Variants in PRORP observed in about 807,000 individuals in gnomAD.
PRORP encodes protein only RNase P catalytic subunit.
A neutral mutation model predicts 59.4 loss-of-function variants in PRORP; 51 were observed. The ratio of observed to expected loss-of-function variants is 0.86; its 90% CI spans 0.69 to 1.08. The LOEUF (loss-of-function observed/expected upper bound fraction) is 1.08, where lower values mean the gene tolerates loss of function less well. Ranked by LOEUF, PRORP falls within the 50% of genes least tolerant of loss-of-function variation. PRORP has a pLI of 0.00. For missense variants in PRORP, 646 were observed against 690.3 expected (o/e 0.94, Z 0.72); for synonymous variants, 231 against 245.6 (o/e 0.94, Z 0.55).
chr14:35,126,023 A>G (rs1566440931), intron 2 of PRORP, among the ~76,000 whole-genome samples: 1 of 152,178 alleles, frequency 6.6e-6, no homozygotes, highest in Non-Finnish European at 1.5e-5. Flanking sequence ...CCTTGTCTCA[A>G]AAGAAAAAAA....
chr14:35,258,040 T>G (rs938060013), intron 5 of PRORP, among the ~76,000 whole-genome samples: 1 of 147,650 alleles, frequency 6.8e-6, no homozygotes, highest in Non-Finnish European at 1.5e-5. Flanking sequence ...CAAAAGTTGA[T>G]GTGTCACATA....
At chr14:35,184,600 T>C (rs1352946574) in intron 5 of PRORP, among the ~76,000 whole-genome samples, 2 of 152,308 alleles carry the variant, frequency 1.3e-5, no homozygotes, top group East Asian at 3.9e-4. Flanking sequence ...GGGTTTGTTA[T>C]ACATATTATT....
At chr14:35,128,179 T>A (rs1380546782) in intron 4 of PRORP, among the ~76,000 whole-genome samples, 2 of 152,224 alleles carry the variant, frequency 1.3e-5, no homozygotes, top group African/African-American at 4.8e-5. Flanking sequence ...TTGGTGATGA[T>A]GAATGATCTT....
intron 4 of PRORP, among the ~76,000 whole-genome samples, chr14:35,148,295 A>T (rs2047659403): frequency 6.6e-6 from 1 of 152,180 alleles, no homozygotes; most frequent in South Asian, 2.1e-4. Flanking sequence ...TCTTTTATCC[A>T]TGGGCTTTAG....
At chr14:35,148,119 C>T (rs1432798620) in intron 4 of PRORP, among the ~76,000 whole-genome samples, 2 of 152,224 alleles carry the variant, frequency 1.3e-5, no homozygotes, top group East Asian at 1.9e-4. Flanking sequence ...ATTTCAACCT[C>T]TTTCCATGAA....
intron 4 of PRORP, among the ~76,000 whole-genome samples, chr14:35,167,314 G>C (rs751853120): frequency 4.6e-5 from 7 of 152,100 alleles, no homozygotes; most frequent in Non-Finnish European, 1.0e-4. Flanking sequence ...GTTTATTGCA[G>C]CCTTTTTTCT....
In PRORP at chr14:35,258,380, G is replaced by A. The variant is rs151312547; in HGVS notation, c.1276-8347G>A. On this transcript the variant is annotated intron_variant, in intron 5 of 7. Transcript: ENST00000534898. ...AGACAGAAAATTAAAATTTAACCCC[G>A]ATGGTAATCAGAATAAAGAAAATGC... Among the ~76,000 whole-genome samples, 1,319 of 152,092 alleles carry A rather than the reference G, an allele frequency of 8.7e-3. 28 individuals carry two copies. The highest frequency in any genetic ancestry group is 0.029 in the African/African-American group (1,213 of 41,462).
chr14:35,129,655 AT>A lies in PRORP; in HGVS notation c.1167+2049del, dbSNP rs553365139. 1.7e-3 allele frequency among the ~76,000 whole-genome samples: 248 copies of A among 149,432 alleles called. 1 individual carries two copies. Among genetic ancestry groups the A allele is most frequent in the Non-Finnish European group, 2.1e-3 (144 of 67,256 alleles). On this transcript the variant is annotated intron_variant, in intron 4 of 7. Coordinates refer to ENST00000534898, the MANE Select transcript of PRORP (RefSeq NM_014672.4). ...ATGCCCAGCAAATTTTTTTTTTTGT[AT>A]TTTTAGTACAGACAGGGTTTCACCA...
At chr14:35,129,393 C>G (rs1164079233) in intron 4 of PRORP, among the ~76,000 whole-genome samples, 1 of 151,472 alleles carries the variant, frequency 6.6e-6, no homozygotes, top group Admixed American at 6.6e-5. Flanking sequence ...TTTTTCCTTC[C>G]TTTCTTCCCT....
At chr14:35,202,179 G>A (rs886248344) in intron 5 of PRORP, among the ~76,000 whole-genome samples, 1 of 151,370 alleles carries the variant, frequency 6.6e-6, no homozygotes, top group Non-Finnish European at 1.5e-5. Flanking sequence ...CCATGGTCTC[G>A]ATCTCCTGAC....
chr14:35,123,649 C>G lies in PRORP; in HGVS notation c.404C>G (p.Thr135Ser), dbSNP rs940358747. Residue 135 changes from threonine (T) to serine (S), a missense_variant, in exon 2 of 8, where the codon ACC becomes AGC. Transcript: ENST00000534898. ...DKLKEDLKEN[T>S]GKTSFESWII... ...CTTAAGGAAGATTTAAAAGAAAACA[C>G]CGGAAAGACCAGTTTCGAAAGTTGG... 15 of 1,614,038 alleles carry G rather than the reference C, an allele frequency of 9.3e-6. No individual in the cohort carries two copies. The highest frequency in any genetic ancestry group is 1.3e-5 in the Non-Finnish European group (15 of 1,180,052).
At chr14:35,199,482 C>G (rs953792846) in intron 5 of PRORP, among the ~76,000 whole-genome samples, 1 of 152,020 alleles carries the variant, frequency 6.6e-6, no homozygotes, top group African/African-American at 2.4e-5. Flanking sequence ...ACTCTGCCCT[C>G]GTGGATGGGA....
chr14:35,254,084 C>T (rs2138601546), intron 5 of PRORP, among the ~76,000 whole-genome samples: 3 of 150,984 alleles, frequency 2.0e-5, no homozygotes, highest in Middle Eastern at 3.4e-3. Flanking sequence ...AAAAGCTCCT[C>T]CTCTCATAGA....
At chr14:35,265,347 AT>A (rs991024866) in intron 5 of PRORP, among the ~76,000 whole-genome samples, 1 of 152,204 alleles carries the variant, frequency 6.6e-6, no homozygotes, top group Non-Finnish European at 1.5e-5. Context: ...ACAAGTTATA[AT>A]TTTTTCAGCT....
chr14:35,219,392 A>C (rs1318325171), intron 5 of PRORP: 1 of 152,026 alleles, frequency 6.6e-6, no homozygotes, highest in Non-Finnish European at 1.5e-5. Flanking sequence ...CCCATTCTGT[A>C]AAATTAATAG....
intron 5 of PRORP, among the ~76,000 whole-genome samples, chr14:35,205,025 C>T (rs1002427492): frequency 1.2e-4 from 19 of 152,134 alleles, no homozygotes; most frequent in African/African-American, 4.6e-4. Context: ...TGATAAATCA[C>T]CCATGATAAA....
chr14:35,154,094 A>G (rs1423514651), intron 4 of PRORP, among the ~76,000 whole-genome samples: 5 of 152,208 alleles, frequency 3.3e-5, no homozygotes, highest in South Asian at 2.1e-4. Context: ...CAGCTCTGCA[A>G]TGTTAAGGCT....
intron 2 of PRORP, among the ~76,000 whole-genome samples, chr14:35,125,506 G>C (rs1566440528): frequency 2.0e-5 from 3 of 152,090 alleles, no homozygotes; most frequent in African/African-American, 7.2e-5. Flanking sequence ...TCAGGTGTGA[G>C]CCACCATGCT....
At chr14:35,232,595 T>A (rs929282435) in intron 5 of PRORP, among the ~76,000 whole-genome samples, 1 of 152,166 alleles carries the variant, frequency 6.6e-6, no homozygotes, top group East Asian at 1.9e-4. Flanking sequence ...ATTACTTAAT[T>A]TTTGCTTGGC....
Sources: gnomAD v4.1 joint callset for allele counts (sites outside exome capture counted in the v4.1 genomes callset) on GRCh38, gnomAD v4.1.1 for gene constraint, MANE v1.5 for transcripts, NCBI Gene and HGNC (gene_info 2026-07-23, HGNC 2026-07-21) for gene names.